Variants in TANC1 observed in about 807,000 individuals in gnomAD.
The protein encoded by TANC1 is tetratricopeptide repeat, ankyrin repeat and coiled-coil containing 1, also known as protein TANC1.
TANC1 carries 77 observed loss-of-function variants against 149.7 expected under a neutral mutation model. The observed-to-expected ratio is 0.51, with a 90% CI of 0.43 to 0.62. The LOEUF (loss-of-function observed/expected upper bound fraction) is 0.62. TANC1 is among the 20% of genes least tolerant of loss of function. TANC1 has a pLI of 0.00. For missense variants in TANC1, 1,985 were observed against 2,321.8 expected (o/e 0.85, Z 2.98); for synonymous variants, 854 against 925.0 (o/e 0.92, Z 1.39).
intron 5 of TANC1, among the ~76,000 whole-genome samples, chr2:159,139,656 T>G (rs2051147109): frequency 6.6e-6 from 1 of 152,258 alleles, no homozygotes; most frequent in Non-Finnish European, 1.5e-5. Flanking sequence ...GTTTTTAGTC[T>G]CATAAGTCAT....
At chr2:159,092,657 G>A (rs2045671748) in intron 3 of TANC1, among the ~76,000 whole-genome samples, 1 of 152,174 alleles carries the variant, frequency 6.6e-6, no homozygotes, top group Non-Finnish European at 1.5e-5. Context: ...AGATGTCTGT[G>A]TGTCCCCTTG....
chr2:158,988,261 A>C (rs2035234219), intron 1 of TANC1, among the ~76,000 whole-genome samples: 3 of 137,162 alleles, frequency 2.2e-5, no homozygotes, highest in Admixed American at 1.6e-4. Flanking sequence ...CGGGAGGTGG[A>C]GGTTGCAGTG....
At position 159,186,924 on chromosome 2, in the gene TANC1, T is replaced by C. The variant is rs1410330504; in HGVS notation, c.2642T>C (p.Ile881Thr). 6.2e-7 allele frequency: 1 copy of C among 1,614,214 alleles called. No individual in the cohort carries two copies. Among genetic ancestry groups the C allele is most frequent in the Non-Finnish European group, 8.5e-7 (1 of 1,180,034 alleles). ...CAGGGCCTCAGTAAGAAGACGGGAA[T>C]TTCTTCAAGCCATCTCCAAGCCCTG... is the stretch of plus-strand genomic sequence containing the variant. ...IFKGLSKKTGISSSHLQALWI... is the reference protein window; with the variant it reads ...IFKGLSKKTGTSSSHLQALWI... The change falls in exon 16 of 27, where the codon ATT becomes ACT. Residue 881 changes from isoleucine to threonine, a missense_variant. Transcript: ENST00000263635.
chr2:159,129,890 G>A (rs1471967498), intron 4 of TANC1, among the ~76,000 whole-genome samples: 1 of 152,224 alleles, frequency 6.6e-6, no homozygotes, highest in East Asian at 1.9e-4. Context: ...TGACTGGAGT[G>A]GGTGGTAAAC....
intron 4 of TANC1, among the ~76,000 whole-genome samples, chr2:159,110,843 T>C (rs2150020951): frequency 6.6e-6 from 1 of 152,342 alleles, no homozygotes; most frequent in African/African-American, 2.4e-5. Context: ...TCCAGTGGGA[T>C]TCCACCCTCT....
intron 3 of TANC1, among the ~76,000 whole-genome samples, chr2:159,070,613 G>A (rs2043070269): frequency 6.6e-6 from 1 of 152,124 alleles, no homozygotes; most frequent in South Asian, 2.1e-4. Context: ...GTGCTTAAAG[G>A]AAAATCAAGG....
intron 2 of TANC1, among the ~76,000 whole-genome samples, chr2:159,048,373 G>A (rs1180844978): frequency 6.6e-6 from 1 of 152,184 alleles, no homozygotes; most frequent in Non-Finnish European, 1.5e-5. Flanking sequence ...CTGGATACCA[G>A]CCCTGGCTCT....
chr2:159,091,756 T>C (rs1328649887), intron 3 of TANC1, among the ~76,000 whole-genome samples: 1 of 152,216 alleles, frequency 6.6e-6, no homozygotes, highest in Non-Finnish European at 1.5e-5. Context: ...CTTAGTGGTA[T>C]TGTTTGAGAA....
chr2:159,166,369 A>G (rs1190735245), intron 8 of TANC1, among the ~76,000 whole-genome samples: 1 of 152,180 alleles, frequency 6.6e-6, no homozygotes, highest in Non-Finnish European at 1.5e-5. Flanking sequence ...TGTTCAGCTT[A>G]GAGATGTCTC....
intron 3 of TANC1, among the ~76,000 whole-genome samples, chr2:159,089,990 G>A (rs1333776117): frequency 6.6e-6 from 1 of 152,160 alleles, no homozygotes; most frequent in African/African-American, 2.4e-5. Context: ...TTGACACATG[G>A]CTCAATCCTT....
chr2:158,971,245 A>G (rs996569883), intron 1 of TANC1, among the ~76,000 whole-genome samples: 3 of 152,194 alleles, frequency 2.0e-5, no homozygotes, highest in African/African-American at 2.4e-5. Context: ...GAGCCAGTGG[A>G]ACTATAATCC....
chr2:159,018,568 G>T (rs1223735063), intron 2 of TANC1, among the ~76,000 whole-genome samples: 1 of 152,130 alleles, frequency 6.6e-6, no homozygotes, highest in Non-Finnish European at 1.5e-5. Flanking sequence ...ACATTGTTGT[G>T]TAGCCATTAC....
chr2:159,075,953 C>T (rs1030639779), intron 3 of TANC1, among the ~76,000 whole-genome samples: 1 of 152,208 alleles, frequency 6.6e-6, no homozygotes, highest in African/African-American at 2.4e-5. Flanking sequence ...TGCCTGCTTG[C>T]ACAATTCCTA....
At chr2:159,008,718 T>G (rs1359469701) in intron 2 of TANC1, among the ~76,000 whole-genome samples, 1 of 152,218 alleles carries the variant, frequency 6.6e-6, no homozygotes, top group Non-Finnish European at 1.5e-5. Context: ...TAATTTCATG[T>G]TTAATATGAT....
At chr2:159,176,769 A>G (rs1487353306) in intron 13 of TANC1, among the ~76,000 whole-genome samples, 1 of 152,138 alleles carries the variant, frequency 6.6e-6, no homozygotes, top group Non-Finnish European at 1.5e-5. Flanking sequence ...AAATGGTGGC[A>G]TCTAGCCCTG....
chr2:159,113,099 T>C (rs1413489010), intron 4 of TANC1, among the ~76,000 whole-genome samples: 1 of 152,124 alleles, frequency 6.6e-6, no homozygotes, highest in East Asian at 1.9e-4. Context: ...TACGCGTGGC[T>C]AATTTTTGTA....
At chr2:159,186,764 T>G (rs1207544457) in intron 15 of TANC1, 138 bp from the exon 16 acceptor site, 6 of 1,030,156 alleles carry the variant, frequency 5.8e-6, no homozygotes, top group Non-Finnish European at 8.5e-6. Flanking sequence ...GCATTCTTTG[T>G]GTGTGACCCC....
In TANC1 at chr2:159,170,695, G is replaced by A; in HGVS notation, c.1241G>A (p.Gly414Asp). 6.2e-7 allele frequency: 1 copy of A among 1,614,150 alleles called. No homozygotes were observed. Among genetic ancestry groups the A allele is most frequent in the Non-Finnish European group, 8.5e-7 (1 of 1,180,026 alleles). ...LAENRGAVVVGNVGFGKTAII... is the reference protein window; with the variant it reads ...LAENRGAVVVDNVGFGKTAII... Reference sequence around the variant, plus strand: ...GAAAACAGAGGCGCGGTGGTGGTTGGCAATGTGGGATTTGGGAAGACGGCA... The same window carrying A: ...GAAAACAGAGGCGCGGTGGTGGTTGACAATGTGGGATTTGGGAAGACGGCA... Residue 414 changes from glycine to aspartate, a missense_variant, in exon 10 of 27, where the codon GGC (glycine) becomes GAC (aspartate). This residue lies in a region of TANC1 where 557 missense variants were observed against 612.9 expected (regional missense o/e 0.91). Coordinates refer to ENST00000263635, the MANE Select transcript of TANC1 (RefSeq NM_033394.3).
chr2:159,155,156 A>G (rs539592120), intron 7 of TANC1, among the ~76,000 whole-genome samples: 38 of 152,362 alleles, frequency 2.5e-4, no homozygotes, highest in African/African-American at 8.2e-4. Context: ...GTTTATGTAC[A>G]TATCGTGATA....
Sources: allele counts gnomAD v4.1 joint callset (sites outside exome capture counted in the v4.1 genomes callset), GRCh38; gene constraint gnomAD v4.1.1; regional missense constraint gnomAD v4.1.1; transcripts MANE v1.5; gene names NCBI Gene and HGNC (gene_info 2026-07-23, HGNC 2026-07-21).